UBE2F: variants seen among roughly 807,000 people sequenced by gnomAD.
UBE2F encodes ubiquitin conjugating enzyme E2 F (putative), also known as NEDD8-conjugating enzyme UBE2F.
Under a neutral mutation model 29.6 loss-of-function variants are expected in UBE2F, and 5 were observed. The ratio of observed to expected loss-of-function variants is 0.17; its 90% CI spans 0.09 to 0.36. UBE2F has a LOEUF of 0.36. Among genes scored for constraint, UBE2F ranks in the 10% least tolerant of loss-of-function variants. The probability of loss-of-function intolerance (pLI) is 1.00; values close to 1 mark genes in which losing one functional copy is unlikely to be tolerated. For synonymous variants in UBE2F, 66 were observed against 81.8 expected (o/e 0.81, Z 1.04); for missense variants, 141 against 228.5 (o/e 0.62, Z 2.47).
At chr2:237,995,318 G>T (rs538044300) in intron 4 of UBE2F, among the ~76,000 whole-genome samples, 1 of 152,204 alleles carries the variant, frequency 6.6e-6, no homozygotes, top group South Asian at 2.1e-4. Flanking sequence ...TCAGTAAGAC[G>T]GATAAGTGTC....
chr2:238,017,035 G>A (rs914938540), intron 5 of UBE2F, among the ~76,000 whole-genome samples: 1 of 152,186 alleles, frequency 6.6e-6, no homozygotes, highest in Non-Finnish European at 1.5e-5. Flanking sequence ...TAAACTATAA[G>A]TAATTTATAC....
chr2:237,991,609 C>CTTTCTTTCTTTTTTTTTTTT (rs57180067), intron 3 of UBE2F, among the ~76,000 whole-genome samples: 3,221 of 52,846 alleles, frequency 0.061, 342 homozygotes, highest in Non-Finnish European at 0.085. Flanking sequence ...TTCTTTCTTT[C>CTTTCTTTCTTTTTTTTTTTT]TTTTTTTTTT....
At position 238,042,493 on chromosome 2, in the gene UBE2F, A is replaced by G. The variant is rs1018581706; in HGVS notation, c.*1155A>G. The G allele has an allele frequency of 6.6e-6, 1 of 152,226 alleles. No homozygotes were observed. Among genetic ancestry groups the G allele is most frequent in the African/African-American group, 2.4e-5 (1 of 41,446 alleles). 9.4% of individuals were successfully genotyped at this position (152,226 alleles called of 1,614,324 possible). A position where few individuals can be genotyped will look rare whatever the true frequency, so the allele number is the denominator to read the frequency against. On this transcript the variant is annotated 3_prime_UTR_variant, in exon 10 of 10. Coordinates refer to ENST00000272930, the MANE Select transcript of UBE2F (RefSeq NM_080678.3). ...ATGCCATCCTCGGCCAGGTTAATATACTGCAGAGGAAAAGCCCTGAAGAGA... is the reference window on the plus strand; with the variant it reads ...ATGCCATCCTCGGCCAGGTTAATATGCTGCAGAGGAAAAGCCCTGAAGAGA...
At chr2:238,037,580 GCAGT>G (rs1383693379) in intron 9 of UBE2F, among the ~76,000 whole-genome samples, 3 of 152,162 alleles carry the variant, frequency 2.0e-5, no homozygotes, top group South Asian at 2.1e-4. Flanking sequence ...TGCCACTGTG[GCAGT>G]CAGTCAGCCA....
At chr2:237,985,160 A>G (rs2063455749) in intron 2 of UBE2F, among the ~76,000 whole-genome samples, 1 of 152,194 alleles carries the variant, frequency 6.6e-6, no homozygotes, top group Admixed American at 6.5e-5. Flanking sequence ...TAAACATAGT[A>G]GTAGGTTGTT....
chr2:237,984,720 T>C (rs921095), intron 2 of UBE2F, among the ~76,000 whole-genome samples: 44,883 of 152,112 alleles, frequency 0.3, 8,230 homozygotes, highest in Admixed American at 0.41. Flanking sequence ...TGCAGGTTTT[T>C]GTTTTTAATT....
At chr2:238,013,096 G>A (rs1014104562) in intron 4 of UBE2F, among the ~76,000 whole-genome samples, 2 of 152,098 alleles carry the variant, frequency 1.3e-5, no homozygotes, top group Non-Finnish European at 2.9e-5. Context: ...GGGCAGCATG[G>A]TGAGACCCCA....
At chr2:237,986,612 C>G (rs1161546452) in intron 2 of UBE2F, among the ~76,000 whole-genome samples, 3 of 152,174 alleles carry the variant, frequency 2.0e-5, no homozygotes, top group Non-Finnish European at 2.9e-5. Flanking sequence ...AACTTATTCC[C>G]TATCTTTTCT....
At chr2:238,009,064 C>T (rs2063962857) in intron 4 of UBE2F, among the ~76,000 whole-genome samples, 1 of 152,188 alleles carries the variant, frequency 6.6e-6, no homozygotes, top group Non-Finnish European at 1.5e-5. Context: ...TATCATTCTA[C>T]TGCCTTCTGT....
At chr2:238,008,412 CTTCAAGGGA>C (rs2063950604) in intron 4 of UBE2F, among the ~76,000 whole-genome samples, 1 of 152,142 alleles carries the variant, frequency 6.6e-6, no homozygotes. Flanking sequence ...AATTTGTGTC[CTTCAAGGGA>C]TTTGCTCATA....
At chr2:238,029,360 G>C (rs1002480730) in intron 6 of UBE2F, among the ~76,000 whole-genome samples, 2 of 151,992 alleles carry the variant, frequency 1.3e-5, no homozygotes, top group Non-Finnish European at 2.9e-5. Flanking sequence ...AGGCCGAGGC[G>C]GGCGGATCAC....
rs935362644 is a variant in UBE2F at position 237,986,712 on chromosome 2, A to G, written c.119-1251A>G. The stretch of plus-strand genomic sequence containing the variant: ...ATGTATGGTATAAGATAAGAAGCCA[A>G]TTTTATTCCCTTGCATGTGAATATC... On this transcript the variant is annotated intron_variant, in intron 2 of 9. Transcript: ENST00000272930. Among the ~76,000 whole-genome samples the G allele has an allele frequency of 4.2e-4, 64 of 152,190 alleles. 1 individual carries two copies. The highest frequency in any genetic ancestry group is 1.4e-3 in the African/African-American group (60 of 41,452).
chr2:237,996,258 C>T (rs911251975), intron 4 of UBE2F, among the ~76,000 whole-genome samples: 4 of 152,184 alleles, frequency 2.6e-5, no homozygotes, highest in Non-Finnish European at 4.4e-5. Flanking sequence ...TTACTAATTT[C>T]AGACTTGTGT....
At chr2:238,020,941 G>T (rs895439856) in intron 5 of UBE2F, among the ~76,000 whole-genome samples, 2 of 152,184 alleles carry the variant, frequency 1.3e-5, no homozygotes. Context: ...GTGGGTGACG[G>T]CTATTCCTCA....
intron 4 of UBE2F, among the ~76,000 whole-genome samples, chr2:237,996,125 T>C (rs903484863): frequency 1.5e-4 from 23 of 152,220 alleles, no homozygotes; most frequent in African/African-American, 5.5e-4. Flanking sequence ...ACGAGAGGTA[T>C]TGAGCACACT....
chr2:238,022,175 C>CTTTTTTTTTTTTTTTTTTTTTTTTTTT (rs1162304454), intron 5 of UBE2F, among the ~76,000 whole-genome samples: 23 of 63,330 alleles, frequency 3.6e-4, no homozygotes, highest in African/African-American at 9.6e-4. Flanking sequence ...CTTTTCTTTT[C>CTTTTTTTTTTTTTTTTTTTTTTTTTTT]TTTTTTTTTT....
At position 238,016,433 on chromosome 2, in the gene UBE2F, G is replaced by A. The variant is rs546888917; in HGVS notation, c.215-133G>A. The A allele has an allele frequency of 2.7e-4, 187 of 700,430 alleles. 2 individuals carry two copies. The Middle Eastern group carries it at 3.6e-3, about 14-fold the overall frequency. The allele number at this position is 700,430 out of a possible 1,614,324, so 43.4% of individuals were successfully genotyped here. A position where few individuals can be genotyped will look rare whatever the true frequency, so the allele number is the denominator to read the frequency against. On this transcript the variant is annotated intron_variant, in intron 4 of 9. Coordinates refer to ENST00000272930, the MANE Select transcript of UBE2F (RefSeq NM_080678.3). The stretch of plus-strand genomic sequence containing the variant: ...TGTGTGTGCATTTGGTGATGGAACC[G>A]AGGAACTCTGCAGGCCTGTTTTTAA...
chr2:237,991,793 G>A (rs1178309184), intron 3 of UBE2F, among the ~76,000 whole-genome samples: 1 of 151,216 alleles, frequency 6.6e-6, no homozygotes, highest in Non-Finnish European at 1.5e-5. Flanking sequence ...AGTGGAGATG[G>A]GGTTTTGCCA....
intron 4 of UBE2F, among the ~76,000 whole-genome samples, chr2:238,001,024 G>A: frequency 7.4e-6 from 1 of 134,486 alleles, no homozygotes; most frequent in South Asian, 2.2e-4. Context: ...TTTTGAGATA[G>A]AGTTTTGCCT....
Sources: gnomAD v4.1 joint callset for allele counts (sites outside exome capture counted in the v4.1 genomes callset) on GRCh38, gnomAD v4.1.1 for gene constraint, MANE v1.5 for transcripts, NCBI Gene and HGNC (gene_info 2026-07-23, HGNC 2026-07-21) for gene names.